PAPPA2: variants seen among roughly 807,000 people sequenced by gnomAD.
PAPPA2 encodes pappalysin-2.
Under a neutral mutation model 176.4 loss-of-function variants are expected in PAPPA2, and 86 were observed. The observed-to-expected ratio is 0.49, with a 90% confidence interval of 0.41 to 0.58. PAPPA2 has a LOEUF of 0.58. Among genes scored for constraint, PAPPA2 ranks in the 20% least tolerant of loss-of-function variants. PAPPA2 has a pLI of 0.00. For synonymous variants in PAPPA2, 809 were observed against 852.2 expected, an observed-to-expected ratio of 0.95 and a Z score of 0.88; for missense variants, 2,073 against 2,256.9, an observed-to-expected ratio of 0.92 and a Z score of 1.65.
intron 2 of PAPPA2, among the ~76,000 whole-genome samples, chr1:176,579,761 A>G (rs1652856889): frequency 6.6e-6 from 1 of 152,208 alleles, no homozygotes. Context: ...GCTAACTGTG[A>G]GATGGTGGAT....
At chr1:176,672,772 G>A (rs1264690019) in intron 4 of PAPPA2, among the ~76,000 whole-genome samples, 1 of 152,146 alleles carries the variant, frequency 6.6e-6, no homozygotes, top group Non-Finnish European at 1.5e-5. Context: ...TTGCCAGCGT[G>A]CATAGCTGGG....
chr1:176,675,622 A>T (rs1341755781), intron 4 of PAPPA2, among the ~76,000 whole-genome samples: 2 of 152,104 alleles, frequency 1.3e-5, no homozygotes, highest in Non-Finnish European at 1.5e-5. Context: ...AATATAGAAG[A>T]GATCTTAGGA....
intron 4 of PAPPA2, among the ~76,000 whole-genome samples, chr1:176,687,720 G>A (rs1659909368): frequency 1.3e-5 from 2 of 152,082 alleles, no homozygotes; most frequent in Admixed American, 1.3e-4. Context: ...AAATGTATGA[G>A]TAGAAGGTAA....
chr1:176,825,043 G>C (rs545082889), intron 21 of PAPPA2, among the ~76,000 whole-genome samples: 1 of 152,258 alleles, frequency 6.6e-6, no homozygotes, highest in African/African-American at 2.4e-5. Flanking sequence ...ACCCTGTGTG[G>C]AATTGACTGG....
chr1:176,528,289 A>G (rs999890229), intron 1 of PAPPA2, among the ~76,000 whole-genome samples: 2 of 152,158 alleles, frequency 1.3e-5, no homozygotes, highest in African/African-American at 2.4e-5. Context: ...GAACTTTCCT[A>G]TGGAGGGCAG....
At chr1:176,694,762 T>C (rs1305326332) in intron 6 of PAPPA2, among the ~76,000 whole-genome samples, 2 of 152,232 alleles carry the variant, frequency 1.3e-5, no homozygotes, top group African/African-American at 4.8e-5. Context: ...ACGTCATGGA[T>C]ATCCATAAAA....
intron 21 of PAPPA2, among the ~76,000 whole-genome samples, chr1:176,815,100 A>C (rs1467003857): frequency 1.3e-5 from 2 of 152,146 alleles, no homozygotes; most frequent in Non-Finnish European, 1.5e-5. Flanking sequence ...GTATATATGT[A>C]TATGCATACA....
chr1:176,595,730 A>C, intron 3 of PAPPA2, 135 bp downstream of exon 3: 1 of 888,352 alleles, frequency 1.1e-6, no homozygotes, highest in South Asian at 1.8e-5. Flanking sequence ...GACAGTATTA[A>C]GCTTTTGTGA....
At chr1:176,613,604 G>A (rs1268499942) in intron 3 of PAPPA2, among the ~76,000 whole-genome samples, 1 of 152,166 alleles carries the variant, frequency 6.6e-6, no homozygotes, top group Admixed American at 6.5e-5. Context: ...ATCTTTTGAG[G>A]CTCAGAAGGA....
At chr1:176,581,204 T>C (rs1020118606) in intron 2 of PAPPA2, among the ~76,000 whole-genome samples, 3 of 152,196 alleles carry the variant, frequency 2.0e-5, no homozygotes, top group Non-Finnish European at 4.4e-5. Flanking sequence ...CTGAGCACCA[T>C]TTATTGAAAA....
chr1:176,604,154 T>C (rs1389221345), intron 3 of PAPPA2, among the ~76,000 whole-genome samples: 1 of 152,230 alleles, frequency 6.6e-6, no homozygotes, highest in African/African-American at 2.4e-5. Flanking sequence ...TCTGGTCTTT[T>C]TTCAAAGTCA....
In PAPPA2 at chr1:176,527,121, C is replaced by T. The variant is rs573569243; in HGVS notation, c.-916-28286C>T. Among the ~76,000 whole-genome samples the T allele has an allele frequency of 1.9e-3, 295 of 152,242 alleles. 3 individuals carry two copies. The highest frequency in any genetic ancestry group is 6.7e-3 in the African/African-American group (278 of 41,534). On this transcript the variant is annotated intron_variant, in intron 1 of 22. Coordinates refer to ENST00000367662, the MANE Select transcript of PAPPA2 (RefSeq NM_020318.3). ...GCCACTATGCGTGTCTTGAATAAAA[C>T]TATTTAAACCTAAAGAGTCTTTAGA...
intron 4 of PAPPA2, among the ~76,000 whole-genome samples, chr1:176,686,033 T>C (rs956179548): frequency 1.3e-5 from 2 of 152,154 alleles, no homozygotes; most frequent in Admixed American, 1.3e-4. Context: ...CTGTGAGTGA[T>C]TAAAACTCAT....
intron 14 of PAPPA2, among the ~76,000 whole-genome samples, chr1:176,756,904 G>T (rs575348999): frequency 6.6e-6 from 1 of 152,236 alleles, no homozygotes; most frequent in African/African-American, 2.4e-5. Context: ...TCCCCTCTCT[G>T]TGTCCATGTG....
chr1:176,769,899 C>A, intron 16 of PAPPA2, 115 bp downstream of exon 16: 1 of 1,151,720 alleles, frequency 8.7e-7, no homozygotes, highest in Non-Finnish European at 1.2e-6. Flanking sequence ...TCCACTGTGT[C>A]ACCATCTTCT....
At chr1:176,464,577 C>T (rs901441876) in intron 1 of PAPPA2, among the ~76,000 whole-genome samples, 2 of 152,224 alleles carry the variant, frequency 1.3e-5, no homozygotes, top group Non-Finnish European at 2.9e-5. Flanking sequence ...AGATGAGGTA[C>T]GATATTGGGT....
At chr1:176,839,536 G>A (rs1052943249) in intron 21 of PAPPA2, among the ~76,000 whole-genome samples, 2 of 152,060 alleles carry the variant, frequency 1.3e-5, no homozygotes, top group Non-Finnish European at 2.9e-5. Flanking sequence ...TACAGCACTG[G>A]TGTCCTCAAC....
At chr1:176,686,458 G>A (rs1453043645) in intron 4 of PAPPA2, among the ~76,000 whole-genome samples, 5 of 152,168 alleles carry the variant, frequency 3.3e-5, no homozygotes, top group Non-Finnish European at 5.9e-5. Flanking sequence ...GACATGTGGG[G>A]ATTATGGGAT....
At chr1:176,747,837 C>A (rs1662979475) in intron 14 of PAPPA2, among the ~76,000 whole-genome samples, 1 of 152,120 alleles carries the variant, frequency 6.6e-6, no homozygotes, top group African/African-American at 2.4e-5. Flanking sequence ...CTTCCAAGTT[C>A]ACATGGTTGT....
Sources: gnomAD v4.1 joint callset for allele counts (sites outside exome capture counted in the v4.1 genomes callset) on GRCh38, gnomAD v4.1.1 for gene constraint, MANE v1.5 for transcripts, NCBI Gene and HGNC (gene_info 2026-07-23, HGNC 2026-07-21) for gene names.